The following BET1 variants were observed in gnomAD, a reference collection of about 807,000 sequenced individuals.
BET1 encodes the protein Bet1 golgi vesicular membrane trafficking protein, also known as BET1 homolog.
Under a neutral mutation model 13.9 loss-of-function variants are expected in BET1, and 9 were observed. The ratio of observed to expected loss-of-function variants is 0.65; its 90% CI spans 0.39 to 1.13. BET1 has a LOEUF of 1.13. Among genes scored for constraint, BET1 ranks in the 50% most tolerant of loss-of-function variants. The pLI, the probability that BET1 is intolerant of heterozygous loss-of-function variation, is 0.01. For synonymous variants in BET1, 39 were observed against 47.3 expected (o/e 0.82, Z 0.72); for missense variants, 127 against 133.6 (o/e 0.95, Z 0.24).
chr7:94,002,558 G>C (rs922947270), intron 1 of BET1, among the ~76,000 whole-genome samples: 6 of 151,852 alleles, frequency 4.0e-5, no homozygotes, highest in Non-Finnish European at 7.4e-5. Context: ...CTGAGGTCCA[G>C]GTAACAATAC....
chr7:93,972,604 C>T (rs1795273958), exon 6 of BET1: 1 of 151,698 alleles, frequency 6.6e-6, no homozygotes, highest in Admixed American at 6.6e-5. Flanking sequence ...GATGTTTGGC[C>T]AAGAAGAGAC....
rs1434984628 is a variant in BET1, at chr7:93,970,018, T to C, written c.*137+2557A>G. 2.0e-5 allele frequency among the ~76,000 whole-genome samples: 3 copies of C among 151,696 alleles called. No homozygotes were observed. In the Admixed American group the frequency reaches 2.0e-4, roughly 10 times the overall value. ...CCTTTTTTGGTCTTCACAGAGAGAGTATCAATTGCTAAGTGTTTTTAGTCA... is the reference window on the plus strand; with the variant it reads ...CCTTTTTTGGTCTTCACAGAGAGAGCATCAATTGCTAAGTGTTTTTAGTCA... On this transcript the variant is annotated intron_variant and NMD_transcript_variant, in intron 6 of 6. Coordinates refer to the BET1 transcript ENST00000357520.
intron 4 of BET1, among the ~76,000 whole-genome samples, chr7:93,976,527 C>A (rs1490450851): frequency 2.0e-5 from 3 of 152,094 alleles, no homozygotes; most frequent in Non-Finnish European, 4.4e-5. Flanking sequence ...CCGGCAGGAT[C>A]TCTGAACAAT....
chr7:93,968,185 T>A (rs902828880), intron 6 of BET1, among the ~76,000 whole-genome samples: 4 of 151,846 alleles, frequency 2.6e-5, no homozygotes, highest in African/African-American at 9.7e-5. Flanking sequence ...CCAAATATAA[T>A]GTATTAATAA....
At chr7:93,972,772 T>C (rs2116037410) in intron 5 of BET1, 1 of 151,950 alleles carries the variant, frequency 6.6e-6, no homozygotes, top group Non-Finnish European at 1.5e-5. Context: ...AATATTTTTT[T>C]CCTATTATTT....
intron 4 of BET1, among the ~76,000 whole-genome samples, chr7:93,977,511 A>G (rs1372447803): frequency 2.0e-5 from 3 of 152,176 alleles, no homozygotes; most frequent in African/African-American, 4.8e-5. Context: ...GAATCCTCAT[A>G]TTTTAAATTA....
chr7:93,970,055 T>G (rs1402771425), intron 6 of BET1, among the ~76,000 whole-genome samples: 1 of 151,838 alleles, frequency 6.6e-6, no homozygotes, highest in African/African-American at 2.4e-5. Flanking sequence ...TGGCTCTTTG[T>G]AAATGAAATA....
At chr7:93,973,246 C>T (rs1795286717) in intron 5 of BET1, among the ~76,000 whole-genome samples, 1 of 152,000 alleles carries the variant, frequency 6.6e-6, no homozygotes, top group African/African-American at 2.4e-5. Flanking sequence ...AGAGAGTTTG[C>T]AGTTTTTAAG....
chr7:93,999,526 T>A (rs142060681), intron 1 of BET1: 10 of 502,220 alleles, frequency 2.0e-5, no homozygotes, highest in African/African-American at 1.7e-4. Context: ...TGATACACAT[T>A]TCTGGATTGC....
At chr7:93,992,960 C>T (rs987777871), downstream of BET1, 2 of 985,136 alleles carry the variant, frequency 2.0e-6, no homozygotes, top group Non-Finnish European at 2.4e-6. Flanking sequence ...CAGGTAGAGG[C>T]CCAAATAATG....
chr7:93,994,095 T>C lies in BET1; in HGVS notation c.*135A>G. On this transcript the variant is annotated 3_prime_UTR_variant, in exon 4 of 4. Transcript: ENST00000222547. ...GTATTAACTAATGTGATTTATAAAA[T>C]AAGCAAAATTCAGCAATTTTCAATG... 7 of 1,441,544 alleles carry C rather than the reference T, an allele frequency of 4.9e-6. No individual in the cohort carries two copies. Among genetic ancestry groups the C allele is most frequent in the Non-Finnish European group, 6.3e-6 (7 of 1,103,966 alleles). The allele number at this position is 1,441,544 out of a possible 1,614,324, so 89.3% of individuals were successfully genotyped here.
intron 4 of BET1, among the ~76,000 whole-genome samples, chr7:93,977,406 A>G (rs1307005245): frequency 6.6e-6 from 1 of 152,158 alleles, no homozygotes. Flanking sequence ...ATGCATTCTA[A>G]TTAGATAAAC....
At chr7:93,974,875 C>A (rs181975371) in intron 5 of BET1, among the ~76,000 whole-genome samples, 3 of 152,102 alleles carry the variant, frequency 2.0e-5, no homozygotes, top group Non-Finnish European at 4.4e-5. Flanking sequence ...GGAGACACCA[C>A]TTTTAGAAAG....
chr7:93,984,762 C>G (rs1361558594), intron 4 of BET1, among the ~76,000 whole-genome samples: 5 of 152,046 alleles, frequency 3.3e-5, no homozygotes, highest in Non-Finnish European at 7.4e-5. Flanking sequence ...AAAAAAAAGT[C>G]TTCAAAGAAA....
chr7:93,997,605 C>A (rs1263395613), intron 2 of BET1, among the ~76,000 whole-genome samples: 3 of 152,130 alleles, frequency 2.0e-5, no homozygotes, highest in Non-Finnish European at 4.4e-5. Context: ...GGTCTCCAGA[C>A]TGAATGTAAT....
At chr7:93,970,399 A>G (rs1321788759) in intron 6 of BET1, among the ~76,000 whole-genome samples, 1 of 151,734 alleles carries the variant, frequency 6.6e-6, no homozygotes, top group Non-Finnish European at 1.5e-5. Flanking sequence ...TGTTTGGTGG[A>G]TTTTTCTCCA....
intron 4 of BET1, chr7:93,976,210 G>T: frequency 1.2e-6 from 1 of 810,766 alleles, no homozygotes; most frequent in Non-Finnish European, 1.6e-6. Flanking sequence ...GAAAAACTGA[G>T]CAGGTATTCA....
At chr7:93,988,164 G>A (rs962963902) in intron 4 of BET1, among the ~76,000 whole-genome samples, 3 of 152,162 alleles carry the variant, frequency 2.0e-5, no homozygotes, top group Non-Finnish European at 2.9e-5. Context: ...GCAAACACTT[G>A]TTGGGATCTA....
intron 4 of BET1, among the ~76,000 whole-genome samples, chr7:93,980,451 A>G (rs1459442666): frequency 1.3e-5 from 2 of 152,206 alleles, no homozygotes. Context: ...ATCAAGTGAA[A>G]TTTATCCTTG....
Sources: allele counts gnomAD v4.1 joint callset (sites outside exome capture counted in the v4.1 genomes callset), GRCh38; gene constraint gnomAD v4.1.1; transcripts MANE v1.5; gene names NCBI Gene and HGNC (gene_info 2026-07-23, HGNC 2026-07-21).